Variants in RDH13 observed in about 807,000 individuals in gnomAD.
The protein encoded by RDH13 is retinol dehydrogenase 13, also known as retinol dehydrogenase 13 (all-trans and 9-cis).
Under a neutral mutation model 28.3 loss-of-function variants are expected in RDH13, and 35 were observed. That is an observed-to-expected ratio of 1.24 (90% CI 0.95 to 1.64). The LOEUF is 1.64. RDH13 is among the 40% of genes most tolerant of loss of function. RDH13 has a pLI of 0.00. For synonymous variants in RDH13, 229 were observed against 198.5 expected (o/e 1.15, Z -1.29); for missense variants, 514 against 446.3 (o/e 1.15, Z -1.37).
At chr19:55,040,097 C>G (rs970242525), downstream of RDH13, among the ~76,000 whole-genome samples, 4 of 152,098 alleles carry the variant, frequency 2.6e-5, no homozygotes, top group Admixed American at 2.0e-4. Context: ...TCTGGGGGAT[C>G]CATAGTGGTG....
chr19:55,063,008 A>T lies in RDH13; in HGVS notation c.25T>A (p.Ser9Thr). 6.8e-7 allele frequency: 1 copy of T among 1,468,222 alleles called. No individual in the cohort carries two copies. Among genetic ancestry groups the T allele is most frequent in the Non-Finnish European group, 9.0e-7 (1 of 1,111,758 alleles). The allele number at this position is 1,468,222 out of a possible 1,614,324, so 90.9% of individuals were successfully genotyped here. MSRYLLPL[S>T]ALGTVAGAAV... is the part of the protein sequence containing the mutation. Reference sequence around the variant, plus strand: ...GCGCCTGCTACCGTGCCCAGCGCCGACAGCGGCAGCAGGTAGCGGCTCATG... The same window carrying T: ...GCGCCTGCTACCGTGCCCAGCGCCGTCAGCGGCAGCAGGTAGCGGCTCATG... The change falls in exon 1 of 7, where the codon TCG (serine) becomes ACG (threonine). Residue 9 changes from serine (S) to threonine (T), a missense_variant. By Grantham distance (58) the Ser-to-Thr change is moderately conservative. Coordinates refer to ENST00000415061, the MANE Select transcript of RDH13 (RefSeq NM_001145971.2).
At chr19:55,053,004 G>T (rs956080549) in intron 3 of RDH13, among the ~76,000 whole-genome samples, 2 of 152,192 alleles carry the variant, frequency 1.3e-5, no homozygotes, top group African/African-American at 2.4e-5. Context: ...TTGCTATGTT[G>T]CCCAGGCTGA....
intron 1 of RDH13, among the ~76,000 whole-genome samples, chr19:55,060,559 T>G (rs1181893398): frequency 2.0e-5 from 3 of 152,200 alleles, no homozygotes; most frequent in African/African-American, 2.4e-5. Context: ...TGCAGGTCCT[T>G]GGTATGCTGA....
chr19:55,052,080 T>C (rs1261948255), intron 3 of RDH13, among the ~76,000 whole-genome samples: 1 of 100,066 alleles, frequency 1.0e-5, no homozygotes, highest in Non-Finnish European at 2.2e-5. Flanking sequence ...TTTTTTTTTT[T>C]TTTTTTGGAC....
rs767441980 is a variant in RDH13 at position 55,048,537 on chromosome 19, G to A, written c.450C>T (p.His150=). Residue 150 remains histidine, a synonymous_variant, in exon 5 of 7, where the codon CAC becomes CAT. Transcript: ENST00000415061. ...CCAGCAGCAAGTTTGTCAAGAGAAA[G>A]TGACCTGGATTAAGGATGATGAAAA... ...EMQFGVNHLG[H]FLLTNLLLDK... The A allele has an allele frequency of 6.2e-7, 1 of 1,614,206 alleles. No individual in the cohort carries two copies. The highest frequency in any genetic ancestry group is 1.1e-5 in the South Asian group (1 of 91,084).
At chr19:55,064,780 T>C (rs1266541820), upstream of RDH13, among the ~76,000 whole-genome samples, 4 of 149,702 alleles carry the variant, frequency 2.7e-5, no homozygotes, top group Admixed American at 2.1e-4. Context: ...ACCCGGCTAA[T>C]TTTTGTATTT....
intron 3 of RDH13, among the ~76,000 whole-genome samples, chr19:55,053,521 T>C (rs2075527963): frequency 6.6e-6 from 1 of 151,416 alleles, no homozygotes; most frequent in Non-Finnish European, 1.5e-5. Context: ...CCGGGCGTGG[T>C]GGCAGGCGCC....
chr19:55,064,294 AC>A (rs2075900920), upstream of RDH13: 1 of 151,830 alleles, frequency 6.6e-6, no homozygotes, highest in African/African-American at 2.4e-5. Flanking sequence ...GGTGGCACTC[AC>A]CTGTAGTCCC....
At chr19:55,049,365 C>T (rs907494360) in intron 3 of RDH13, among the ~76,000 whole-genome samples, 2 of 152,264 alleles carry the variant, frequency 1.3e-5, no homozygotes, top group South Asian at 2.1e-4. Context: ...TACAAGCAAC[C>T]AAAGGACACA....
chr19:55,041,657 C>A (rs1568669005), downstream of RDH13: 1 of 152,264 alleles, frequency 6.6e-6, no homozygotes, highest in Non-Finnish European at 1.5e-5. Context: ...GTAACTGTCA[C>A]CCCGGGTGCC....
chr19:55,043,240 C>T (rs2075089594), downstream of RDH13: 1 of 152,228 alleles, frequency 6.6e-6, no homozygotes, highest in South Asian at 2.1e-4. Context: ...ATGTTGCCAC[C>T]TCTACAAATA....
upstream of RDH13, among the ~76,000 whole-genome samples, chr19:55,065,596 C>T (rs908458599): frequency 4.0e-5 from 6 of 151,602 alleles, 1 homozygote; most frequent in African/African-American, 1.5e-4. Context: ...GCTTTGTGAT[C>T]CACACAGTGG....
rs1159208683 is a variant in RDH13, at chr19:55,059,264, G to A, written c.77C>T (p.Thr26Ile). 1 of 1,597,308 alleles carries A rather than the reference G, an allele frequency of 6.3e-7. No individual in the cohort carries two copies. The highest frequency in any genetic ancestry group is 8.5e-7 in the Non-Finnish European group (1 of 1,171,818). ...GGCCTTGCTGGGGCAAGCCCCACCG[G>A]TGACATAGTCCCTGAGGGTGAGAAG... ...GAAVLLKDYVTGGACPSKATI... is the reference protein window; with the variant it reads ...GAAVLLKDYVIGGACPSKATI... The change falls in exon 2 of 7, where the codon ACC (threonine) becomes ATC (isoleucine). Residue 26 changes from threonine (T) to isoleucine (I), a missense_variant. Thr to Ile is a moderately conservative substitution (Grantham distance 89). Transcript: ENST00000415061.
intron 2 of RDH13, among the ~76,000 whole-genome samples, chr19:55,058,568 T>C (rs1374079848): frequency 6.6e-6 from 1 of 152,164 alleles, no homozygotes; most frequent in Admixed American, 6.5e-5. Flanking sequence ...TGAATTTAAC[T>C]GTAGGTAGCT....
downstream of RDH13, among the ~76,000 whole-genome samples, chr19:55,043,710 C>T (rs796706481): frequency 6.6e-6 from 1 of 152,072 alleles, no homozygotes; most frequent in African/African-American, 2.4e-5. Flanking sequence ...CCCTGGCCTC[C>T]CCAGTATCTC....
upstream of RDH13, among the ~76,000 whole-genome samples, chr19:55,064,670 G>A (rs937696858): frequency 7.3e-5 from 11 of 151,166 alleles, 1 homozygote; most frequent in African/African-American, 9.7e-5. Context: ...CTGGAGAGCA[G>A]TGGGCGATCT....
At chr19:55,047,518 G>A in intron 5 of RDH13, 30 bp from the exon 6 acceptor site, 2 of 1,583,602 alleles carry the variant, frequency 1.3e-6, no homozygotes. Flanking sequence ...AAGACTGAGG[G>A]AGGGGTCCAG....
downstream of RDH13, chr19:55,039,779 C>A (rs140974242): frequency 0.074 from 11,165 of 150,814 alleles, 512 homozygotes; most frequent in Non-Finnish European, 0.1. Context: ...GCGGAAGTTG[C>A]GGTGAGCCGA....
upstream of RDH13, chr19:55,063,344 G>C (rs1341036340): frequency 2.8e-6 from 1 of 353,994 alleles, no homozygotes; most frequent in Non-Finnish European, 5.1e-6. Flanking sequence ...CGTCACACTT[G>C]CCGCAGCGTA....
Sources: gnomAD v4.1 joint callset for allele counts (sites outside exome capture counted in the v4.1 genomes callset) on GRCh38, gnomAD v4.1.1 for gene constraint, MANE v1.5 for transcripts, NCBI Gene and HGNC (gene_info 2026-07-23, HGNC 2026-07-21) for gene names.